The following ERAP1 variants were observed in gnomAD, a reference collection of about 807,000 sequenced individuals.
The protein encoded by ERAP1 is adipocyte-derived leucine aminopeptidase.
A neutral mutation model predicts 103.7 loss-of-function variants in ERAP1; 86 were observed. The ratio of observed to expected loss-of-function variants is 0.83; its 90% confidence interval spans 0.70 to 0.99. The LOEUF (loss-of-function observed/expected upper bound fraction) is 0.99. ERAP1 is among the 50% of genes least tolerant of loss of function. The probability of loss-of-function intolerance (pLI) is 0.00; values close to 1 mark genes in which losing one functional copy is unlikely to be tolerated. For missense variants in ERAP1, 1,009 were observed against 1,128.4 expected (o/e 0.89, Z 1.52); for synonymous variants, 398 against 402.4 (o/e 0.99, Z 0.13).
At chr5:96,850,441 C>T in the ERAP1 span, among the ~76,000 whole-genome samples, 1 of 152,130 alleles carries the variant, frequency 6.6e-6, no homozygotes, top group Non-Finnish European at 1.5e-5. Context: ...CCTGCATAGA[C>T]ATTTCTCGTA....
the ERAP1 span, among the ~76,000 whole-genome samples, chr5:96,851,738 T>A: frequency 2.7e-3 from 410 of 152,264 alleles, 3 homozygotes; most frequent in South Asian, 3.7e-3. Flanking sequence ...GACAGGCTAT[T>A]CCTATGTTGA....
the ERAP1 span, among the ~76,000 whole-genome samples, chr5:96,887,073 G>GTATATATATATATA: frequency 8.3e-4 from 72 of 87,140 alleles, no homozygotes; most frequent in Admixed American, 5.7e-3. Context: ...AATTTTCAAA[G>GTATATATATATATA]TATATATATA....
rs115779259 is a variant in ERAP1 at position 96,794,336 on chromosome 5, G to A, written c.920-379C>T. On this transcript the variant is annotated intron_variant, in intron 5 of 18. Coordinates refer to ENST00000443439, the MANE Select transcript of ERAP1 (RefSeq NM_001040458.3). ...TGCAAGTAGCTGGGACTACAAGAGT[G>A]CACCTCCACACTCAGCTAATATTTT... Among the ~76,000 whole-genome samples the A allele has an allele frequency of 5.6e-3, 843 of 151,840 alleles. 3 individuals carry two copies. Among genetic ancestry groups the A allele is most frequent in the African/African-American group, 0.019 (799 of 41,442 alleles).
chr5:96,802,023 T>A (rs1484406209), intron 2 of ERAP1, among the ~76,000 whole-genome samples: 1 of 151,984 alleles, frequency 6.6e-6, no homozygotes, highest in African/African-American at 2.4e-5. Context: ...TAAAAAGAGA[T>A]CATTTATTTG....
chr5:96,856,359 TATATATAGAGAGAG>T, the ERAP1 span, among the ~76,000 whole-genome samples: 1 of 34,096 alleles, frequency 2.9e-5, no homozygotes, highest in Non-Finnish European at 7.0e-5. Context: ...AATATATATA[TATATATAGAGAGAG>T]AGAGAGAGAG....
chr5:96,922,769 G>A, the ERAP1 span, among the ~76,000 whole-genome samples: 1 of 152,196 alleles, frequency 6.6e-6, no homozygotes, highest in Middle Eastern at 3.2e-3. Context: ...GAAAGAGGCT[G>A]GATAGCATTT....
the ERAP1 span, among the ~76,000 whole-genome samples, chr5:96,864,024 C>A: frequency 6.6e-6 from 1 of 151,574 alleles, no homozygotes; most frequent in African/African-American, 2.4e-5. Flanking sequence ...TTTTTTTTAC[C>A]ATGTGCATAT....
the ERAP1 span, chr5:96,901,775 G>A: frequency 2.3e-6 from 3 of 1,281,172 alleles, no homozygotes; most frequent in Non-Finnish European, 3.2e-6. Flanking sequence ...AACTTTGTAG[G>A]ATGCTAGTTC....
chr5:96,788,650 C>A lies in ERAP1; in HGVS notation c.1560G>T (p.Met520Ile), dbSNP rs1172072950. Reference sequence around the variant, plus strand: ...CCTTCTGCAGTGTCCAAGTGTTCATCATGGTTTTCACATCCACCCCTTCCT... The same window carrying A: ...CCTTCTGCAGTGTCCAAGTGTTCATAATGGTTTTCACATCCACCCCTTCCT... ...WHQEGVDVKT[M>I]MNTWTLQKGF... is the part of the protein sequence containing the mutation. Residue 520 changes from methionine to isoleucine, a missense_variant, in exon 11 of 19, where the codon ATG (methionine) becomes ATT (isoleucine). By Grantham distance (10) the Met-to-Ile change is conservative. Transcript: ENST00000443439. 6.2e-7 allele frequency: 1 copy of A among 1,614,178 alleles called. No homozygotes were observed.
chr5:96,772,764 A>T (rs1183395451), downstream of ERAP1: 1 of 152,762 alleles, frequency 6.5e-6, no homozygotes, highest in Admixed American at 6.5e-5. Context: ...TGAACATCCT[A>T]AATATTGGTT....
the ERAP1 span, among the ~76,000 whole-genome samples, chr5:96,847,593 T>C: frequency 6.6e-6 from 1 of 152,140 alleles, no homozygotes; most frequent in Admixed American, 6.5e-5. Flanking sequence ...GCATAATAAA[T>C]TCAAAAAGAT....
intron 15 of ERAP1, among the ~76,000 whole-genome samples, chr5:96,782,417 ATACTT>A (rs974992519): frequency 1.3e-5 from 2 of 152,242 alleles, no homozygotes; most frequent in African/African-American, 2.4e-5. Context: ...ACATATTTAA[ATACTT>A]TAATGATGCT....
At chr5:96,865,137 C>T in the ERAP1 span, among the ~76,000 whole-genome samples, 1 of 152,060 alleles carries the variant, frequency 6.6e-6, no homozygotes, top group Admixed American at 6.5e-5. Context: ...GAGTTATTTT[C>T]CTTTGAACTT....
chr5:96,868,099 A>G, the ERAP1 span, among the ~76,000 whole-genome samples: 1 of 152,224 alleles, frequency 6.6e-6, no homozygotes, highest in African/African-American at 2.4e-5. Context: ...ACAAACAAAC[A>G]AACAAAAAAA....
At chr5:96,763,255 C>T in intron 19 of ERAP1, 1 of 780,686 alleles carries the variant, frequency 1.3e-6, no homozygotes, top group Non-Finnish European at 2.4e-6. Flanking sequence ...GCACAAATGA[C>T]AAAGCCCAGA....
the ERAP1 span, among the ~76,000 whole-genome samples, chr5:96,836,986 TTC>T: frequency 6.6e-6 from 1 of 152,204 alleles, no homozygotes; most frequent in African/African-American, 2.4e-5. Context: ...TCATACATAT[TTC>T]TGTTTCAAAA....
chr5:96,836,176 G>GTTTTTTTTTTTTTTTTTTTTTTTTTTTTT, the ERAP1 span, among the ~76,000 whole-genome samples: 11 of 106,678 alleles, frequency 1.0e-4, no homozygotes, highest in Non-Finnish European at 1.3e-4. Flanking sequence ...CACCTCTTTG[G>GTTTTTTTTTTTTTTTTTTTTTTTTTTTTT]TTTTTTTTTT....
chr5:96,808,118 C>G (rs1278232388), upstream of ERAP1: 1 of 982,650 alleles, frequency 1.0e-6, no homozygotes, highest in Non-Finnish European at 1.2e-6. Flanking sequence ...CGCTGCACGC[C>G]GGGGAAGCTG....
chr5:96,835,538 T>TA, the ERAP1 span, among the ~76,000 whole-genome samples: 4 of 152,030 alleles, frequency 2.6e-5, no homozygotes, highest in Admixed American at 2.6e-4. Flanking sequence ...GAAATGATGT[T>TA]AAAAAAAATT....
Sources: allele counts gnomAD v4.1 joint callset (sites outside exome capture counted in the v4.1 genomes callset), GRCh38; gene constraint gnomAD v4.1.1; transcripts MANE v1.5; gene names NCBI Gene and HGNC (gene_info 2026-07-23, HGNC 2026-07-21).